XIRP2: variants seen among roughly 807,000 people sequenced by gnomAD.
The protein encoded by XIRP2 is xin actin-binding repeat-containing protein 2.
Under a neutral mutation model 277.0 loss-of-function variants are expected in XIRP2, and 236 were observed. The observed-to-expected ratio is 0.85, with a 90% CI of 0.77 to 0.95. The LOEUF (loss-of-function observed/expected upper bound fraction) is 0.95, where lower values mean the gene tolerates loss of function less well. Ranked by LOEUF, XIRP2 falls within the 40% of genes least tolerant of loss-of-function variation. XIRP2 has a pLI of 0.00. For synonymous variants in XIRP2, 1,490 were observed against 1,416.5 expected (o/e 1.05, Z -1.17); for missense variants, 4,640 against 4,157.5 (o/e 1.12, Z -3.19).
intron 2 of XIRP2, among the ~76,000 whole-genome samples, chr2:166,999,509 A>G (rs2105453277): frequency 6.6e-6 from 1 of 152,260 alleles, no homozygotes; most frequent in Non-Finnish European, 1.5e-5. Flanking sequence ...GGCAATGTAC[A>G]TGCAACGTAC....
intron 3 of XIRP2, among the ~76,000 whole-genome samples, chr2:167,166,381 GGTCT>G (rs1559004359): frequency 1.3e-5 from 2 of 151,954 alleles, no homozygotes; most frequent in Non-Finnish European, 2.9e-5. Flanking sequence ...CCTAGAATAT[GGTCT>G]GTCTTACTGA....
chr2:167,210,976 A>G, intron 4 of XIRP2, 81 bp downstream of exon 4: 1 of 1,539,674 alleles, frequency 6.5e-7, no homozygotes, highest in Non-Finnish European at 8.8e-7. Flanking sequence ...GAAATGTAAG[A>G]ATACTACTGG....
intron 10 of XIRP2, among the ~76,000 whole-genome samples, chr2:167,255,050 C>T (rs367623301): frequency 2.0e-5 from 3 of 151,724 alleles, no homozygotes; most frequent in East Asian, 1.9e-4. Flanking sequence ...TTTTCCCCTA[C>T]TCTTTGTGTG....
intron 2 of XIRP2, among the ~76,000 whole-genome samples, chr2:167,038,358 T>C (rs970221631): frequency 2.0e-5 from 3 of 151,958 alleles, no homozygotes; most frequent in African/African-American, 7.2e-5. Flanking sequence ...GTACATTTGG[T>C]TTAAATTTAA....
intron 2 of XIRP2, among the ~76,000 whole-genome samples, chr2:166,913,317 C>A (rs1044574059): frequency 7.6e-6 from 1 of 132,140 alleles, no homozygotes; most frequent in African/African-American, 2.6e-5. Flanking sequence ...GGCACCCCCC[C>A]CCCCCAGCCT....
intron 3 of XIRP2, among the ~76,000 whole-genome samples, chr2:167,170,903 T>C (rs1403593064): frequency 2.8e-5 from 4 of 143,772 alleles, no homozygotes; most frequent in Admixed American, 6.9e-5. Flanking sequence ...TCTTTTTTTT[T>C]TTTTTTTTTT....
rs1224362387 is a variant in XIRP2, at chr2:167,247,931, G to A, written c.6539G>A (p.Gly2180Glu). 3 of 1,610,998 alleles carry A rather than the reference G, an allele frequency of 1.9e-6. No individual in the cohort carries two copies. Among genetic ancestry groups the A allele is most frequent in the Admixed American group, 1.7e-5 (1 of 59,466 alleles). Residue 2180 changes from glycine to glutamate, a missense_variant, in exon 9 of 11, where the codon GGG becomes GAG. Physicochemically the swap from Gly to Glu is moderately conservative, Grantham distance 98 (BLOSUM62 -2). Coordinates refer to ENST00000409195, the MANE Select transcript of XIRP2 (RefSeq NM_152381.6). Reference protein sequence around the residue: ...MPVGGTYDLSGDFQKQTLLKQ... With the variant: ...MPVGGTYDLSEDFQKQTLLKQ... ...GTTGGAGGAACTTACGACCTTTCAG[G>A]GGACTTTCAGAAGCAAACTTTGTTA...
intron 2 of XIRP2, among the ~76,000 whole-genome samples, chr2:166,913,313 C>CA (rs1553469493): frequency 3.9e-5 from 5 of 128,708 alleles, no homozygotes; most frequent in Non-Finnish European, 7.0e-5. Flanking sequence ...GGTGGGCACC[C>CA]CCCCCCCCCA....
At chr2:167,150,269 T>G (rs1185037236) in intron 3 of XIRP2, among the ~76,000 whole-genome samples, 2 of 151,836 alleles carry the variant, frequency 1.3e-5, no homozygotes, top group Admixed American at 6.6e-5. Context: ...AGTTGTGGAG[T>G]GTATAAAGAA....
At chr2:167,253,806 A>G (rs1353897239) in intron 9 of XIRP2, among the ~76,000 whole-genome samples, 1 of 151,816 alleles carries the variant, frequency 6.6e-6, no homozygotes, top group Non-Finnish European at 1.5e-5. Context: ...GTCTACTCGT[A>G]CAATCTATAA....
intron 2 of XIRP2, among the ~76,000 whole-genome samples, chr2:166,935,583 C>T (rs1032119368): frequency 2.6e-5 from 4 of 152,150 alleles, no homozygotes; most frequent in African/African-American, 7.2e-5. Flanking sequence ...CCATGATAGG[C>T]CCTGGTGTGT....
At chr2:167,232,737 G>A (rs1694796202) in intron 5 of XIRP2, among the ~76,000 whole-genome samples, 1 of 151,844 alleles carries the variant, frequency 6.6e-6, no homozygotes, top group East Asian at 1.9e-4. Context: ...TCTGAGATAG[G>A]CAGTATTATT....
At chr2:167,022,700 T>C (rs1007875187) in intron 2 of XIRP2, among the ~76,000 whole-genome samples, 3 of 151,720 alleles carry the variant, frequency 2.0e-5, no homozygotes, top group Admixed American at 6.6e-5. Flanking sequence ...ACATGTGGTG[T>C]TCGGTTTTTT....
chr2:167,080,052 T>C (rs963190255), intron 2 of XIRP2, among the ~76,000 whole-genome samples: 3 of 152,096 alleles, frequency 2.0e-5, no homozygotes, highest in African/African-American at 7.2e-5. Context: ...AAACAGACTG[T>C]TGGTGTCCAA....
chr2:166,923,554 A>G lies in XIRP2; in HGVS notation c.408+19664A>G, dbSNP rs1685108631. Among the ~76,000 whole-genome samples the G allele has an allele frequency of 2.6e-5, 4 of 152,216 alleles. No homozygotes were observed. In the South Asian group the frequency reaches 8.3e-4, roughly 32 times the overall value. ...ATCCAGTTTCCATAAAGATATGACC[A>G]TTAAAGTGACTGAAGTAGAAAGATA... On this transcript the variant is annotated intron_variant, in intron 2 of 10. Coordinates refer to ENST00000409195, the MANE Select transcript of XIRP2 (RefSeq NM_152381.6).
At chr2:167,030,392 G>A (rs563138330) in intron 2 of XIRP2, among the ~76,000 whole-genome samples, 79 of 151,994 alleles carry the variant, frequency 5.2e-4, no homozygotes, top group African/African-American at 1.7e-3. Flanking sequence ...TATCTGGGCC[G>A]TAGATATTCT....
intron 2 of XIRP2, among the ~76,000 whole-genome samples, chr2:166,911,169 G>T (rs559202683): frequency 1.3e-5 from 2 of 152,278 alleles, no homozygotes; most frequent in Admixed American, 6.5e-5. Context: ...GGATATCTTT[G>T]TTAACTTTCT....
chr2:167,210,233 A>G (rs1693983715), intron 3 of XIRP2, among the ~76,000 whole-genome samples: 1 of 152,218 alleles, frequency 6.6e-6, no homozygotes, highest in Admixed American at 6.5e-5. Flanking sequence ...AGAAAGGAGC[A>G]ACCCTTAGAC....
chr2:167,022,747 A>G (rs1024918026), intron 2 of XIRP2, among the ~76,000 whole-genome samples: 2 of 151,890 alleles, frequency 1.3e-5, no homozygotes, highest in African/African-American at 4.8e-5. Flanking sequence ...ATGCTTTCCA[A>G]TTTCATCCAT....
Sources: allele counts gnomAD v4.1 joint callset (sites outside exome capture counted in the v4.1 genomes callset), GRCh38; gene constraint gnomAD v4.1.1; transcripts MANE v1.5; gene names NCBI Gene and HGNC (gene_info 2026-07-23, HGNC 2026-07-21).